The following ARB2A variants were observed in gnomAD, a reference collection of about 807,000 sequenced individuals.
ARB2A encodes the protein cotranscriptional regulator ARB2A.
chr5:93,973,918 G>T, the ARB2A span, among the ~76,000 whole-genome samples: 1 of 152,198 alleles, frequency 6.6e-6, no homozygotes, highest in African/African-American at 2.4e-5. Flanking sequence ...ACATGGAAAT[G>T]AAAGAATGAT....
the ARB2A span, among the ~76,000 whole-genome samples, chr5:93,778,225 C>A: frequency 6.6e-6 from 1 of 152,036 alleles, no homozygotes. Context: ...AGAGTAGAAA[C>A]TATAAAAGAA....
chr5:93,861,718 T>C, the ARB2A span: 1 of 152,198 alleles, frequency 6.6e-6, no homozygotes, highest in African/African-American at 2.4e-5. Context: ...CTGCAAAATA[T>C]AAGTTACACT....
the ARB2A span, among the ~76,000 whole-genome samples, chr5:93,826,415 C>A: frequency 2.0e-5 from 3 of 152,064 alleles, no homozygotes; most frequent in Non-Finnish European, 4.4e-5. Flanking sequence ...GTCTATCTGT[C>A]CTAAATTTCT....
At chr5:93,752,208 C>CTAA in the ARB2A span, among the ~76,000 whole-genome samples, 245 of 152,218 alleles carry the variant, frequency 1.6e-3, 3 homozygotes, top group East Asian at 0.045. Flanking sequence ...CAAGACTTAA[C>CTAA]ATATGATAAA....
At chr5:93,640,342 G>A in the ARB2A span, among the ~76,000 whole-genome samples, 8 of 151,698 alleles carry the variant, frequency 5.3e-5, no homozygotes, top group African/African-American at 1.5e-4. Flanking sequence ...CCAGCTACTC[G>A]GGAGGCTGAG....
At chr5:93,696,150 G>A in the ARB2A span, among the ~76,000 whole-genome samples, 1,334 of 152,110 alleles carry the variant, frequency 8.8e-3, 24 homozygotes, top group African/African-American at 0.03. Flanking sequence ...AAACCTGCAC[G>A]TTCTGCACAT....
At chr5:93,945,379 C>T in the ARB2A span, among the ~76,000 whole-genome samples, 1 of 144,500 alleles carries the variant, frequency 6.9e-6, no homozygotes, top group Non-Finnish European at 1.5e-5. Flanking sequence ...TGCGCCACTG[C>T]ACTGCAGCCT....
the ARB2A span, among the ~76,000 whole-genome samples, chr5:94,042,887 T>C: frequency 1.3e-5 from 2 of 152,182 alleles, no homozygotes; most frequent in Non-Finnish European, 2.9e-5. Flanking sequence ...GTAAGATGCC[T>C]ATAATTCTGA....
At chr5:93,666,622 T>C in the ARB2A span, among the ~76,000 whole-genome samples, 2 of 152,164 alleles carry the variant, frequency 1.3e-5, no homozygotes, top group Admixed American at 1.3e-4. Context: ...CAAAGGTGAT[T>C]ATTATAATGT....
chr5:93,886,074 T>C, the ARB2A span, among the ~76,000 whole-genome samples: 1 of 151,674 alleles, frequency 6.6e-6, no homozygotes, highest in South Asian at 2.1e-4. Flanking sequence ...AACATTAAAA[T>C]GCACGACCAA....
chr5:93,679,410 G>T, the ARB2A span, among the ~76,000 whole-genome samples: 1 of 151,822 alleles, frequency 6.6e-6, no homozygotes, highest in Admixed American at 6.6e-5. Flanking sequence ...TATTATCTTC[G>T]ATTTTTCACT....
At chr5:93,943,001 T>C in the ARB2A span, among the ~76,000 whole-genome samples, 5 of 152,138 alleles carry the variant, frequency 3.3e-5, no homozygotes, top group Admixed American at 3.3e-4. Flanking sequence ...ATGATATGAA[T>C]ATGCCATCAT....
At chr5:93,839,310 CT>C in the ARB2A span, among the ~76,000 whole-genome samples, 8 of 152,004 alleles carry the variant, frequency 5.3e-5, 1 homozygote, top group African/African-American at 1.9e-4. Context: ...GTGGTTTTGT[CT>C]TTAGTTTCAT....
the ARB2A span, chr5:93,621,218 C>G: frequency 5.4e-3 from 7,018 of 1,290,356 alleles, 296 homozygotes; most frequent in African/African-American, 0.095. Context: ...CCCCGGCTCC[C>G]GACCACCCGG....
chr5:93,827,297 G>A, the ARB2A span, among the ~76,000 whole-genome samples: 1 of 152,176 alleles, frequency 6.6e-6, no homozygotes, highest in Non-Finnish European at 1.5e-5. Flanking sequence ...TTTAACTGGT[G>A]TAAGATGGTA....
chr5:93,699,998 TA>T, the ARB2A span, among the ~76,000 whole-genome samples: 1 of 151,968 alleles, frequency 6.6e-6, no homozygotes, highest in Non-Finnish European at 1.5e-5. Context: ...GGTGAGGAAA[TA>T]ACATTTTTTG....
the ARB2A span, chr5:93,683,146 T>C: frequency 8.9e-6 from 13 of 1,460,152 alleles, no homozygotes; most frequent in Non-Finnish European, 1.2e-5. Context: ...ATTTCTTCAC[T>C]GGCGCTTTTT....
At chr5:93,865,614 A>AT in the ARB2A span, 1 of 985,304 alleles carries the variant, frequency 1.0e-6, no homozygotes, top group Admixed American at 6.2e-5. Flanking sequence ...CTTGGGGCTA[A>AT]CATCTTTATT....
the ARB2A span, among the ~76,000 whole-genome samples, chr5:93,875,062 T>C: frequency 1.3e-5 from 2 of 152,298 alleles, no homozygotes; most frequent in African/African-American, 4.8e-5. Flanking sequence ...GCTCAAGAGA[T>C]GCTCCCACCT....
Sources: allele counts gnomAD v4.1 joint callset (sites outside exome capture counted in the v4.1 genomes callset), GRCh38; gene constraint gnomAD v4.1.1; transcripts MANE v1.5; gene names NCBI Gene and HGNC (gene_info 2026-07-23, HGNC 2026-07-21).